The following PHF19 variants were observed in gnomAD, a reference collection of about 807,000 sequenced individuals.
PHF19 encodes PHD finger protein 19.
In PHF19, 21 loss-of-function variants were observed where a neutral mutation model predicts 79.8. The observed-to-expected ratio is 0.26, with a 90% CI of 0.19 to 0.38. PHF19 has a LOEUF of 0.38. PHF19 is among the 10% of genes least tolerant of loss of function. PHF19 has a pLI of 1.00. For missense variants in PHF19, 445 were observed against 744.2 expected, an observed-to-expected ratio of 0.60 and a Z score of 4.68; for synonymous variants, 273 against 296.3, an observed-to-expected ratio of 0.92 and a Z score of 0.81.
upstream of PHF19, among the ~76,000 whole-genome samples, chr9:120,881,272 C>G (rs569707252): frequency 4.0e-5 from 6 of 151,200 alleles, no homozygotes; most frequent in Admixed American, 6.6e-5. Flanking sequence ...CTCAGCCTCC[C>G]GAGTAGCTGG....
At chr9:120,871,710 T>C (rs2045899556) in intron 3 of PHF19, among the ~76,000 whole-genome samples, 1 of 152,198 alleles carries the variant, frequency 6.6e-6, no homozygotes, top group African/African-American at 2.4e-5. Context: ...TTTGTCTTAT[T>C]TCCCCAGCAT....
rs1210058435 is a variant in PHF19 at position 120,891,705 on chromosome 9, T to A, written c.42+3083A>T. Among the ~76,000 whole-genome samples, 1 of 152,192 alleles carries A rather than the reference T, an allele frequency of 6.6e-6. No homozygotes were observed. Among genetic ancestry groups the A allele is most frequent in the East Asian group, 1.9e-4 (1 of 5,200 alleles). ...AAAGAAAACTAGTCATCTGTTTATC[T>A]GAGTCAGTAGCATTGAGCAGCTGTA... On this transcript the variant is annotated intron_variant, in intron 1 of 14. Coordinates refer to the PHF19 transcript ENST00000616568. This position sits in a 1 kb window ranked among gnomAD's most constrained non-coding sequence, Gnocchi z 4.3.
In PHF19 at chr9:120,869,204, A is replaced by C. The variant is rs1168481314; in HGVS notation, c.592T>G (p.Cys198Gly). ...PHRTNQQQCY[C>G]YCGGPGEWYL... is the part of the protein sequence containing the mutation. ...TACTCTCCGGGCCCGCCGCAGTAGCAGTAGCATTGCTGCTGGTTGGTGCGA... is the reference window on the plus strand; with the variant it reads ...TACTCTCCGGGCCCGCCGCAGTAGCCGTAGCATTGCTGCTGGTTGGTGCGA... The change falls in exon 6 of 15, where the codon TGC (cysteine) becomes GGC (glycine). Residue 198 changes from cysteine (C) to glycine (G), a missense_variant. Physicochemically the swap from Cys to Gly is radical, Grantham distance 159 (BLOSUM62 -3). This residue lies in a region of PHF19 where 167 missense variants were observed against 375.8 expected (regional missense o/e 0.44). Transcript: ENST00000373896. This position sits in a 1 kb window ranked among gnomAD's most constrained non-coding sequence, Gnocchi z 5.8. 6.2e-7 allele frequency: 1 copy of C among 1,611,194 alleles called. No homozygotes were observed. The highest frequency in any genetic ancestry group is 8.5e-7 in the Non-Finnish European group (1 of 1,179,114).
chr9:120,862,484 G>T lies in PHF19; in HGVS notation c.1130+104C>A, dbSNP rs2045561723. The stretch of plus-strand genomic sequence containing the variant: ...TCAGCCACTATCTAGCCCTCTCAGG[G>T]TCCTACAGCTGGGACTGGCTGGGTG... On this transcript the variant is annotated intron_variant, in intron 11 of 14. Transcript: ENST00000373896. This position sits in a 1 kb window ranked among gnomAD's most constrained non-coding sequence, Gnocchi z 4.6. The T allele has an allele frequency of 1.0e-6, 1 of 964,266 alleles. No individual in the cohort carries two copies. The highest frequency in any genetic ancestry group is 1.6e-6 in the Non-Finnish European group (1 of 619,596). 59.7% of individuals were successfully genotyped at this position (964,266 alleles called of 1,614,324 possible).
rs2131483165 is a variant in PHF19 at position 120,860,419 on chromosome 9, T to C, written c.1305-234A>G. The C allele has an allele frequency of 2.0e-6, 1 of 510,180 alleles. No homozygotes were observed. The highest frequency in any genetic ancestry group is 3.5e-5 in the East Asian group (1 of 28,256). The allele number at this position is 510,180 out of a possible 1,614,324, so 31.6% of individuals were successfully genotyped here. On this transcript the variant is annotated intron_variant, in intron 13 of 14. Coordinates refer to ENST00000373896, the MANE Select transcript of PHF19 (RefSeq NM_015651.3). This position sits in a 1 kb window ranked among gnomAD's most constrained non-coding sequence, Gnocchi z 4.1. ...CCTGGCGGTGACGTAAGCACTGGTG[T>C]CAATAACTCGAGCGTGATCCAAGGC...
At chr9:120,876,685 A>T (rs1029629482) in intron 1 of PHF19, among the ~76,000 whole-genome samples, 2 of 151,868 alleles carry the variant, frequency 1.3e-5, no homozygotes, top group Non-Finnish European at 2.9e-5. Flanking sequence ...AGGAGGGGGG[A>T]AAAAGCTTGC....
In PHF19 at chr9:120,856,582, C is replaced by T. The variant is rs1425754994; in HGVS notation, c.*1362G>A. 1 of 152,248 alleles carries T rather than the reference C, an allele frequency of 6.6e-6. No homozygotes were observed. Among genetic ancestry groups the T allele is most frequent in the African/African-American group, 2.4e-5 (1 of 41,452 alleles). 9.4% of individuals were successfully genotyped at this position (152,248 alleles called of 1,614,324 possible). ...TGGAAGCAGCAAAACATCAGGGGTC[C>T]TCTTCCCCCTCCCAATTTTGGTTTC... On this transcript the variant is annotated 3_prime_UTR_variant, in exon 15 of 15. Coordinates refer to ENST00000373896, the MANE Select transcript of PHF19 (RefSeq NM_015651.3).
intron 1 of PHF19, among the ~76,000 whole-genome samples, chr9:120,889,815 A>G (rs78589479): frequency 9.9e-6 from 1 of 100,684 alleles, no homozygotes; most frequent in Admixed American, 1.0e-4. Flanking sequence ...AAGAAAGAGA[A>G]AGAAAAAAGA....
At chr9:120,896,561 C>T (rs1434191429), upstream of PHF19, among the ~76,000 whole-genome samples, 1 of 150,828 alleles carries the variant, frequency 6.6e-6, no homozygotes. Context: ...ACGCCATTCT[C>T]CTGCCTCAGC....
At chr9:120,863,942 G>T in intron 10 of PHF19, 107 bp downstream of exon 10, 1 of 891,274 alleles carries the variant, frequency 1.1e-6, no homozygotes, top group Admixed American at 2.1e-5. Flanking sequence ...CAGAGAGAAG[G>T]GGAGTATCAG....
At position 120,870,064 on chromosome 9, in the gene PHF19, T is replaced by A; in HGVS notation, c.365-119A>T. On this transcript the variant is annotated intron_variant, in intron 4 of 14. Coordinates refer to ENST00000373896, the MANE Select transcript of PHF19 (RefSeq NM_015651.3). The surrounding 1 kb of genome is among the most constrained non-coding windows in gnomAD (Gnocchi z 4.4). ...AGTCCTAGGAGCTCTGCCTGCCAGC[T>A]GCCGGGAGCCTGGCTGCTGGTGCCC... is the stretch of plus-strand genomic sequence containing the variant. The A allele has an allele frequency of 2.1e-6, 3 of 1,409,706 alleles. No homozygotes were observed. The highest frequency in any genetic ancestry group is 2.8e-6 in the Non-Finnish European group (3 of 1,055,210). The allele number at this position is 1,409,706 out of a possible 1,614,324, so 87.3% of individuals were successfully genotyped here. A position where few individuals can be genotyped will look rare whatever the true frequency, so the allele number is the denominator to read the frequency against.
chr9:120,867,223 C>T (rs559658289), intron 6 of PHF19, among the ~76,000 whole-genome samples: 24 of 152,228 alleles, frequency 1.6e-4, no homozygotes, highest in Non-Finnish European at 3.2e-4. Context: ...CCCTAGCTCA[C>T]AGGCAAGTGG....
At chr9:120,859,142 G>C (rs1190047994) in intron 14 of PHF19, among the ~76,000 whole-genome samples, 2 of 148,166 alleles carry the variant, frequency 1.3e-5, no homozygotes, top group Non-Finnish European at 3.0e-5. Flanking sequence ...CAGGAAGAAA[G>C]AAAAAACAGG....
intron 3 of PHF19, among the ~76,000 whole-genome samples, chr9:120,871,194 T>G (rs2045885079): frequency 6.6e-6 from 1 of 152,220 alleles, no homozygotes; most frequent in Admixed American, 6.5e-5. Flanking sequence ...TGAGCCACTG[T>G]GCCCAGCCTA....
In PHF19 at chr9:120,866,549, G is replaced by C. The variant is rs10985066; in HGVS notation, c.710+321C>G. Reference sequence around the variant, plus strand: ...GTGACTCCCACAGCAACCCTGGGCAGGGCTGGCGCAAGGACTGTGTCATCC... The same window carrying C: ...GTGACTCCCACAGCAACCCTGGGCACGGCTGGCGCAAGGACTGTGTCATCC... On this transcript the variant is annotated intron_variant, in intron 7 of 14. Transcript: ENST00000373896. This position sits in a 1 kb window ranked among gnomAD's most constrained non-coding sequence, Gnocchi z 5.2. Among the ~76,000 whole-genome samples the C allele has an allele frequency of 0.096, 14,659 of 152,296 alleles. 787 individuals are homozygous for C. Among genetic ancestry groups the C allele is most frequent in the Middle Eastern group, 0.13 (39 of 292 alleles).
intron 1 of PHF19, among the ~76,000 whole-genome samples, chr9:120,889,693 C>T (rs1187853227): frequency 6.8e-6 from 1 of 147,442 alleles, no homozygotes; most frequent in African/African-American, 2.5e-5. Flanking sequence ...TTCAGTGAGC[C>T]ATGATTGTGC....
rs190767439 is a variant in PHF19 at position 120,890,503 on chromosome 9, A to C, written c.42+4285T>G. 2.0e-5 allele frequency among the ~76,000 whole-genome samples: 3 copies of C among 152,190 alleles called. No homozygotes were observed. The East Asian group carries it at 5.8e-4, about 29-fold the overall frequency. ...CGCCCTGGTGAGGCCACTGAATTTC[A>C]GTAATTAGCTCTCTGGGCAGGAGGA... On this transcript the variant is annotated intron_variant, in intron 1 of 14. Coordinates refer to the PHF19 transcript ENST00000616568.
In PHF19 at chr9:120,866,119, GC is replaced by G; in HGVS notation, c.711-24del. On this transcript the variant is annotated intron_variant, in intron 7 of 14. Coordinates refer to ENST00000373896, the MANE Select transcript of PHF19 (RefSeq NM_015651.3). This position sits in a 1 kb window ranked among gnomAD's most constrained non-coding sequence, Gnocchi z 5.2. ...AACCTGTGGGTGGGTAGAGACGGGG[GC>G]CTATGGTGGGAGGGGCTCTGACACC... 1 of 1,591,756 alleles carries G rather than the reference GC, an allele frequency of 6.3e-7. No individual in the cohort carries two copies.
chr9:120,898,731 C>T (rs935965475), upstream of PHF19, among the ~76,000 whole-genome samples: 2 of 152,132 alleles, frequency 1.3e-5, no homozygotes, highest in African/African-American at 4.8e-5. Flanking sequence ...GCTTGTGTGA[C>T]CTTGGGTGAG....
Sources: gnomAD v4.1 joint callset for allele counts (sites outside exome capture counted in the v4.1 genomes callset) on GRCh38, gnomAD v4.1.1 for gene constraint, gnomAD v4.1.1 regional missense constraint, Gnocchi (gnomAD v3.1) non-coding constraint, MANE v1.5 for transcripts, NCBI Gene and HGNC (gene_info 2026-07-23, HGNC 2026-07-21) for gene names.